Variants in ZNF324B observed in about 807,000 individuals in gnomAD.
The protein encoded by ZNF324B is zinc finger protein 324B.
In ZNF324B, 7 loss-of-function variants were observed where a neutral mutation model predicts 10.6. The ratio of observed to expected loss-of-function variants is 0.66; its 90% CI spans 0.38 to 1.24. The LOEUF (loss-of-function observed/expected upper bound fraction) is 1.24, where lower values mean the gene tolerates loss of function less well. ZNF324B is among the 50% of genes most tolerant of loss of function. The probability of loss-of-function intolerance (pLI) is 0.02; values close to 1 mark genes in which losing one functional copy is unlikely to be tolerated. For synonymous variants in ZNF324B, 316 were observed against 321.0 expected (o/e 0.98, Z 0.17); for missense variants, 640 against 764.7 (o/e 0.84, Z 1.92).
chr19:58,442,615 G>C, the ZNF324B span: 1 of 150,908 alleles, frequency 6.6e-6, no homozygotes, highest in Non-Finnish European at 1.5e-5. Flanking sequence ...GAGTGTTACA[G>C]CTCTTAAAGG....
At position 58,453,701 on chromosome 19, in the gene ZNF324B, G is replaced by C; in HGVS notation, c.-1G>C. 1 of 1,614,198 alleles carries C rather than the reference G, an allele frequency of 6.2e-7. No individual in the cohort carries two copies. Among genetic ancestry groups the C allele is most frequent in the South Asian group, 1.1e-5 (1 of 91,086 alleles). On this transcript the variant is annotated 5_prime_UTR_variant, in exon 2 of 4. Coordinates refer to ENST00000336614, the MANE Select transcript of ZNF324B (RefSeq NM_207395.3). ...CCACCTCCCTGCTGTTTTAGGACCT[G>C]ATGACCTTCGAGGATGTGGCCGTGT...
In ZNF324B at chr19:58,455,176, C is replaced by T. The variant is rs763505707; in HGVS notation, c.239-7C>T. On this transcript the variant is annotated splice_polypyrimidine_tract_variant and splice_region_variant and intron_variant, in intron 3 of 3. Coordinates refer to ENST00000336614, the MANE Select transcript of ZNF324B (RefSeq NM_207395.3). This position sits in a 1 kb window ranked among gnomAD's most constrained non-coding sequence, Gnocchi z 7.0. Reference sequence around the variant, plus strand: ...GCCCCAGGCAACCACCGTTTCTCTGCGTTTAGGTTCCTGGAGTTTGACAGA... The same window carrying T: ...GCCCCAGGCAACCACCGTTTCTCTGTGTTTAGGTTCCTGGAGTTTGACAGA... 1.5e-5 allele frequency: 24 copies of T among 1,613,976 alleles called. No homozygotes were observed. Among genetic ancestry groups the T allele is most frequent in the Admixed American group, 1.3e-4 (8 of 60,000 alleles).
At chr19:58,439,699 C>T in the ZNF324B span, 1 of 1,472,862 alleles carries the variant, frequency 6.8e-7, no homozygotes, top group African/African-American at 1.5e-5. Context: ...TCTATCTGGG[C>T]TTCAGGATCC....
the ZNF324B span, chr19:58,434,156 G>T: frequency 6.2e-7 from 1 of 1,614,126 alleles, no homozygotes; most frequent in Non-Finnish European, 8.5e-7. Context: ...CATTCATACG[G>T]TCTTTCTCCA....
chr19:58,434,417 C>T, the ZNF324B span: 1 of 1,614,226 alleles, frequency 6.2e-7, no homozygotes, highest in Admixed American at 1.7e-5. Context: ...GGTCTTTCTC[C>T]TGAGTGAATT....
At chr19:58,428,460 A>G in the ZNF324B span, among the ~76,000 whole-genome samples, 7 of 152,138 alleles carry the variant, frequency 4.6e-5, no homozygotes, top group Non-Finnish European at 8.8e-5. Context: ...ACCCCTTAAG[A>G]GGGACAGACC....
In ZNF324B at chr19:58,456,573, G is replaced by A; in HGVS notation, c.1629G>A (p.Lys543=). Residue 543 remains lysine, a synonymous_variant, in exon 4 of 4, where the codon AAG becomes AAA. Coordinates refer to ENST00000336614, the MANE Select transcript of ZNF324B (RefSeq NM_207395.3). This position sits in a 1 kb window ranked among gnomAD's most constrained non-coding sequence, Gnocchi z 4.7. ...GKPSPVLKPA[K]V is the part of the protein sequence containing the mutation. ...CAAGCCCAGTCCTGAAGCCAGCGAA[G>A]GTCTGAGGTCACAGGTCGCAGCCCA... 1.9e-6 allele frequency: 3 copies of A among 1,613,140 alleles called. No individual in the cohort carries two copies. The highest frequency in any genetic ancestry group is 2.5e-6 in the Non-Finnish European group (3 of 1,179,326).
chr19:58,452,701 G>A (rs2052872406), intron 1 of ZNF324B: 1 of 970,686 alleles, frequency 1.0e-6, no homozygotes, highest in Non-Finnish European at 1.2e-6. Context: ...GACGTTGTTG[G>A]TGTCCTGGGC....
the ZNF324B span, chr19:58,436,902 C>G: frequency 9.2e-7 from 1 of 1,087,344 alleles, no homozygotes; most frequent in South Asian, 1.2e-5. Context: ...GTACACACAG[C>G]AGAACCTCAG....
rs761874361 is a variant in ZNF324B at position 58,455,396 on chromosome 19, C to A, written c.452C>A (p.Ser151Ter). 1 of 1,614,214 alleles carries A rather than the reference C, an allele frequency of 6.2e-7. No individual in the cohort carries two copies. The highest frequency in any genetic ancestry group is 8.5e-7 in the Non-Finnish European group (1 of 1,180,036). The change falls in exon 4 of 4, where the codon TCG (serine) becomes TAG (stop). Residue 151 changes from serine (S) to a stop codon, truncating the protein, a stop_gained. Coordinates refer to ENST00000336614, the MANE Select transcript of ZNF324B (RefSeq NM_207395.3). LOFTEE classifies it low-confidence loss of function (END_TRUNC). This position sits in a 1 kb window ranked among gnomAD's most constrained non-coding sequence, Gnocchi z 7.0. ...VIYWERLLLGSRSDQASISLR... is the reference protein window; with the variant it reads ...VIYWERLLLG ...TACTGGGAGAGGCTCCTGCTAGGCT[C>A]GCGCAGTGACCAGGCCAGCATCAGC... is the stretch of plus-strand genomic sequence containing the variant.
At chr19:58,453,961 T>A in intron 2 of ZNF324B, 139 bp downstream of exon 2, 1 of 1,344,112 alleles carries the variant, frequency 7.4e-7, no homozygotes, top group Non-Finnish European at 1.0e-6. Flanking sequence ...GACACAAAGT[T>A]TGGTTGGGTC....
At chr19:58,435,219 T>C in the ZNF324B span, 3 of 1,596,468 alleles carry the variant, frequency 1.9e-6, no homozygotes, top group Non-Finnish European at 2.6e-6. Flanking sequence ...AACCTGAAAG[T>C]AGAGAAATGC....
At chr19:58,419,632 C>T in the ZNF324B span, among the ~76,000 whole-genome samples, 170 of 152,292 alleles carry the variant, frequency 1.1e-3, no homozygotes, top group African/African-American at 3.9e-3. Context: ...CTCTCATGGC[C>T]ATTATCCTGA....
Position 58,456,585 on chromosome 19 carries a change from C to A in ZNF324B, c.*6C>A. 1 of 1,611,108 alleles carries A rather than the reference C, an allele frequency of 6.2e-7. No individual in the cohort carries two copies. The highest frequency in any genetic ancestry group is 8.5e-7 in the Non-Finnish European group (1 of 1,178,168). ...TGAAGCCAGCGAAGGTCTGAGGTCA[C>A]AGGTCGCAGCCCAACCCTTTCTTGG... On this transcript the variant is annotated 3_prime_UTR_variant, in exon 4 of 4. Coordinates refer to ENST00000336614, the MANE Select transcript of ZNF324B (RefSeq NM_207395.3). The surrounding 1 kb of genome is among the most constrained non-coding windows in gnomAD (Gnocchi z 4.7).
the ZNF324B span, chr19:58,433,998 A>G: frequency 6.2e-7 from 1 of 1,614,112 alleles, no homozygotes; most frequent in Non-Finnish European, 8.5e-7. Flanking sequence ...GCCGTTCTCC[A>G]GTGTGAACTT....
the ZNF324B span, chr19:58,430,963 T>C: frequency 6.6e-6 from 1 of 152,224 alleles, no homozygotes; most frequent in Non-Finnish European, 1.5e-5. Flanking sequence ...GGAAGGCCTT[T>C]CCACATTCTC....
the ZNF324B span, chr19:58,440,859 C>T: frequency 6.6e-6 from 1 of 152,274 alleles, no homozygotes; most frequent in African/African-American, 2.4e-5. Context: ...CCAGTGTGCG[C>T]CCGGCTGTAG....
the ZNF324B span, chr19:58,440,713 C>G: frequency 6.6e-6 from 1 of 152,034 alleles, no homozygotes; most frequent in Non-Finnish European, 1.5e-5. Flanking sequence ...TTAGATAAAG[C>G]CGGCCCAGTG....
intron 1 of ZNF324B, chr19:58,452,704 T>C: frequency 1.0e-6 from 1 of 968,412 alleles, no homozygotes; most frequent in Non-Finnish European, 1.2e-6. Context: ...GTTGTTGGTG[T>C]CCTGGGCTGA....
Sources: gnomAD v4.1 joint callset for allele counts (sites outside exome capture counted in the v4.1 genomes callset) on GRCh38, gnomAD v4.1.1 for gene constraint, Gnocchi (gnomAD v3.1) non-coding constraint, MANE v1.5 for transcripts, NCBI Gene and HGNC (gene_info 2026-07-23, HGNC 2026-07-21) for gene names.